The following LARGE1 variants were observed in gnomAD, a reference collection of about 807,000 sequenced individuals.
The protein encoded by LARGE1 is xylosyl- and glucuronyltransferase LARGE1.
A neutral mutation model predicts 87.6 loss-of-function variants in LARGE1; 43 were observed. The observed-to-expected ratio is 0.49, with a 90% CI of 0.38 to 0.63. The LOEUF (loss-of-function observed/expected upper bound fraction) is 0.63, where lower values mean the gene tolerates loss of function less well. Among genes scored for constraint, LARGE1 ranks in the 30% least tolerant of loss-of-function variants. The pLI, the probability that LARGE1 is intolerant of heterozygous loss-of-function variation, is 0.00. For missense variants in LARGE1, 802 were observed against 1,000.2 expected, an observed-to-expected ratio of 0.80 and a Z score of 2.67; for synonymous variants, 434 against 394.6, an observed-to-expected ratio of 1.10 and a Z score of -1.18.
chr22:33,849,790 G>A (rs540377251), intron 1 of LARGE1, among the ~76,000 whole-genome samples: 17 of 151,800 alleles, frequency 1.1e-4, no homozygotes, highest in Non-Finnish European at 2.1e-4. Flanking sequence ...AACTACAGAC[G>A]GGGTTTCACC....
intron 9 of LARGE1, 64 bp downstream of exon 9, chr22:33,381,855 C>A: frequency 6.3e-7 from 1 of 1,599,876 alleles, no homozygotes. Flanking sequence ...GCCATCCATG[C>A]CCCTGGGAGG....
At chr22:33,597,853 G>A (rs1262428362) in intron 5 of LARGE1, among the ~76,000 whole-genome samples, 6 of 152,090 alleles carry the variant, frequency 3.9e-5, no homozygotes, top group Admixed American at 3.9e-4. Context: ...TCTGAAAACT[G>A]GCAAGAAATG....
chr22:33,433,607 C>CAAAAAAAAAAAAAAA lies in LARGE1; in HGVS notation c.788-1357_788-1343dup, dbSNP rs57605083. On this transcript the variant is annotated intron_variant, in intron 6 of 14. Coordinates refer to ENST00000397394, the MANE Select transcript of LARGE1 (RefSeq NM_133642.5). ...CAAGACTCCGTCTCAAAAAACAAAA[C>CAAAAAAAAAAAAAAA]AAAAAAAAAAAAAAAAAAAAAAAGA... is the stretch of plus-strand genomic sequence containing the variant. Among the ~76,000 whole-genome samples, 104 of 88,172 alleles carry CAAAAAAAAAAAAAAA rather than the reference C, an allele frequency of 1.2e-3. 1 individual carries two copies. The highest frequency in any genetic ancestry group is 1.6e-3 in the East Asian group (4 of 2,560). 57.8% of individuals were successfully genotyped at this position (88,172 alleles called of 152,430 possible).
At chr22:33,245,496 G>A (rs374189185) in intron 11 of LARGE1, among the ~76,000 whole-genome samples, 5 of 152,300 alleles carry the variant, frequency 3.3e-5, no homozygotes, top group African/African-American at 9.6e-5. Context: ...CTACCTCTTG[G>A]TAGCCATTAG....
At chr22:33,656,110 AG>A (rs1422797939) in intron 2 of LARGE1, among the ~76,000 whole-genome samples, 1 of 152,024 alleles carries the variant, frequency 6.6e-6, no homozygotes, top group Non-Finnish European at 1.5e-5. Flanking sequence ...ACTTCATATC[AG>A]GCTTACACAG....
At chr22:33,521,171 A>G (rs1459121955) in intron 6 of LARGE1, among the ~76,000 whole-genome samples, 1 of 152,246 alleles carries the variant, frequency 6.6e-6, no homozygotes, top group African/African-American at 2.4e-5. Flanking sequence ...CGTGGTTCTT[A>G]AAAAGTTTCT....
intron 6 of LARGE1, among the ~76,000 whole-genome samples, chr22:33,452,321 G>T (rs1448607105): frequency 6.6e-6 from 1 of 152,174 alleles, no homozygotes; most frequent in Non-Finnish European, 1.5e-5. Context: ...CTATGCAGCA[G>T]AAAGGGGGAG....
At chr22:33,440,421 G>A (rs2067424744) in intron 6 of LARGE1, among the ~76,000 whole-genome samples, 1 of 152,192 alleles carries the variant, frequency 6.6e-6, no homozygotes, top group Non-Finnish European at 1.5e-5. Flanking sequence ...CACAGAGGAA[G>A]TCTGCCAATC....
Position 33,860,134 on chromosome 22 carries a change from A to C in LARGE1, c.-83+59861T>G, listed in dbSNP as rs576491938. ...TCTTATGTGTATTTTACAATTAAAA[A>C]ATTTTAAATTTTTTTTTAAATTAAA... On this transcript the variant is annotated intron_variant, in intron 1 of 14. Transcript: ENST00000397394. Among the ~76,000 whole-genome samples, 71 of 152,248 alleles carry C rather than the reference A, an allele frequency of 4.7e-4. 1 individual carries two copies. The highest frequency in any genetic ancestry group is 3.4e-3 in the Middle Eastern group (1 of 294).
At chr22:33,402,179 G>A (rs1174901868) in intron 7 of LARGE1, among the ~76,000 whole-genome samples, 2 of 152,160 alleles carry the variant, frequency 1.3e-5, no homozygotes, top group Non-Finnish European at 2.9e-5. Context: ...GGTTTCAGCT[G>A]AGGTCTTTCT....
At chr22:33,640,266 C>G (rs2070375668) in intron 3 of LARGE1, among the ~76,000 whole-genome samples, 1 of 152,148 alleles carries the variant, frequency 6.6e-6, no homozygotes, top group Admixed American at 6.5e-5. Context: ...GGTAGGAGGC[C>G]AGCACCTTGT....
At chr22:33,424,450 A>C (rs1486152330) in intron 7 of LARGE1, among the ~76,000 whole-genome samples, 1 of 152,216 alleles carries the variant, frequency 6.6e-6, no homozygotes, top group Admixed American at 6.5e-5. Context: ...GCAATGACAC[A>C]CAGCAGAGTG....
In LARGE1 at chr22:33,696,323, C is replaced by T. The variant is rs546299813; in HGVS notation, c.107-45655G>A. ...TGTTGCCCAGGCTGGAGTGCAGTGGCGCAATCTCGGCTCAATGCAACCTCT... is the reference window on the plus strand; with the variant it reads ...TGTTGCCCAGGCTGGAGTGCAGTGGTGCAATCTCGGCTCAATGCAACCTCT... On this transcript the variant is annotated intron_variant, in intron 2 of 14. Transcript: ENST00000397394. Among the ~76,000 whole-genome samples the T allele has an allele frequency of 4.2e-5, 6 of 142,832 alleles. No individual in the cohort carries two copies. In the South Asian group the frequency reaches 1.1e-3, roughly 26 times the overall value. The allele number at this position is 142,832 out of a possible 152,430, so 93.7% of individuals were successfully genotyped here.
chr22:33,801,249 T>C (rs1411606801), intron 1 of LARGE1, among the ~76,000 whole-genome samples: 1 of 152,192 alleles, frequency 6.6e-6, no homozygotes, highest in Non-Finnish European at 1.5e-5. Flanking sequence ...TATGTCTTTA[T>C]CAGCCGCATG....
intron 11 of LARGE1, among the ~76,000 whole-genome samples, chr22:33,176,109 A>G (rs1477079671): frequency 6.6e-6 from 1 of 152,214 alleles, no homozygotes; most frequent in Non-Finnish European, 1.5e-5. Context: ...ATATGCAGAA[A>G]ACTGAAAATG....
rs1019430429 is a variant in LARGE1 at position 33,348,610 on chromosome 22, A to G, written c.1132-10809T>C. ...TGCAAATGAGATTAGCATCTGAATC[A>G]GTGGACTCAGCAAAGCAAATGGCTC... On this transcript the variant is annotated intron_variant, in intron 9 of 14. Coordinates refer to ENST00000397394, the MANE Select transcript of LARGE1 (RefSeq NM_133642.5). 7.2e-5 allele frequency among the ~76,000 whole-genome samples: 11 copies of G among 152,300 alleles called. No individual in the cohort carries two copies. The East Asian group carries it at 1.4e-3, about 19-fold the overall frequency.
chr22:33,334,109 C>T (rs5998879), intron 10 of LARGE1, among the ~76,000 whole-genome samples: 19,319 of 144,060 alleles, frequency 0.13, 3,065 homozygotes, highest in African/African-American at 0.39. Context: ...GGCGACAGTG[C>T]GAGATTCCGT....
At chr22:33,307,180 T>C (rs1301950443) in intron 11 of LARGE1, among the ~76,000 whole-genome samples, 1 of 152,226 alleles carries the variant, frequency 6.6e-6, no homozygotes, top group Non-Finnish European at 1.5e-5. Context: ...CTGCTGCTTG[T>C]CATGTCTTTG....
chr22:33,878,125 A>ATTTTTTTTTTTTTTTTTTTT (rs1601836110), intron 1 of LARGE1, among the ~76,000 whole-genome samples: 5 of 51,252 alleles, frequency 9.8e-5, no homozygotes, highest in East Asian at 7.3e-4. Context: ...TTTATATTGT[A>ATTTTTTTTTTTTTTTTTTTT]TTTCTTTTTT....
Sources: allele counts gnomAD v4.1 joint callset (sites outside exome capture counted in the v4.1 genomes callset), GRCh38; gene constraint gnomAD v4.1.1; transcripts MANE v1.5; gene names NCBI Gene and HGNC (gene_info 2026-07-23, HGNC 2026-07-21).